The following ZMIZ1 variants were observed in gnomAD, a reference collection of about 807,000 sequenced individuals.
ZMIZ1 encodes zinc finger MIZ domain-containing protein 1.
Under a neutral mutation model 113.9 loss-of-function variants are expected in ZMIZ1, and 17 were observed. The observed-to-expected ratio is 0.15, with a 90% CI of 0.10 to 0.22. The LOEUF is 0.22. Ranked by LOEUF, ZMIZ1 falls within the 10% of genes least tolerant of loss-of-function variation. The pLI is 1.00. For synonymous variants in ZMIZ1, 607 were observed against 603.1 expected (o/e 1.01, Z -0.09); for missense variants, 1,059 against 1,477.8 (o/e 0.72, Z 4.65).
At chr10:79,293,338 T>C in intron 11 of ZMIZ1, 43 bp from the exon 12 acceptor site, 1 of 1,358,398 alleles carries the variant, frequency 7.4e-7, no homozygotes, top group Admixed American at 2.5e-5. Context: ...CATTTTATTC[T>C]TTTTTTTTTC....
In ZMIZ1 at chr10:79,293,597, G is replaced by C; in HGVS notation, c.1174G>C (p.Gly392Arg). 1 of 1,613,114 alleles carries C rather than the reference G, an allele frequency of 6.2e-7. No homozygotes were observed. The highest frequency in any genetic ancestry group is 8.5e-7 in the Non-Finnish European group (1 of 1,180,026). The change falls in exon 12 of 25, where the codon GGC (glycine) becomes CGC (arginine). Residue 392 changes from glycine (G) to arginine (R), a missense_variant. By Grantham distance (125) the Gly-to-Arg change is moderately radical (BLOSUM62 -2). Coordinates refer to ENST00000334512, the MANE Select transcript of ZMIZ1 (RefSeq NM_020338.4). ...GCGGATGCCCCAGCAGACCTACCCG[G>C]GCCCCCGGCCCCAGTCCCTTCCTAT... The part of the protein sequence containing the change: ...GQRMPQQTYP[G>R]PRPQSLPIQN...
At chr10:79,163,205 G>A (rs1001618722) in intron 4 of ZMIZ1, among the ~76,000 whole-genome samples, 2 of 152,228 alleles carry the variant, frequency 1.3e-5, no homozygotes, top group South Asian at 2.1e-4. Flanking sequence ...ATCCCCTGCT[G>A]CCCTCAGCGT....
chr10:79,175,216 C>T (rs1846776481), intron 4 of ZMIZ1, among the ~76,000 whole-genome samples: 1 of 152,224 alleles, frequency 6.6e-6, no homozygotes, highest in Non-Finnish European at 1.5e-5. Flanking sequence ...AAAAGAAACC[C>T]CGAGCAGTCT....
At chr10:79,239,026 G>A (rs1417446569) in intron 7 of ZMIZ1, among the ~76,000 whole-genome samples, 1 of 152,170 alleles carries the variant, frequency 6.6e-6, no homozygotes, top group East Asian at 1.9e-4. Flanking sequence ...GAGCTCAACC[G>A]CAACTGTCCC....
At chr10:79,213,109 C>A (rs1055616518) in intron 6 of ZMIZ1, among the ~76,000 whole-genome samples, 2 of 152,182 alleles carry the variant, frequency 1.3e-5, no homozygotes, top group Non-Finnish European at 2.9e-5. Context: ...AGGGTCACAG[C>A]GCCCCAGCCA....
Position 79,096,578 on chromosome 10 carries a change from G to A in ZMIZ1, c.-336-22337G>A, listed in dbSNP as rs1015177229. Among the ~76,000 whole-genome samples the A allele has an allele frequency of 9.9e-5, 15 of 151,638 alleles. 1 individual carries two copies. The highest frequency in any genetic ancestry group is 3.6e-4 in the African/African-American group (15 of 41,258). On this transcript the variant is annotated intron_variant, in intron 1 of 24. Coordinates refer to ENST00000334512, the MANE Select transcript of ZMIZ1 (RefSeq NM_020338.4). ...AAGAACCTCCAGCACGTGGAGGTGA[G>A]GGGTGGGAAGGGCTCTGAAACCATT...
At chr10:79,265,936 T>G (rs965673521) in intron 7 of ZMIZ1, among the ~76,000 whole-genome samples, 3 of 152,188 alleles carry the variant, frequency 2.0e-5, no homozygotes, top group Non-Finnish European at 4.4e-5. Context: ...TGGAGCCCCT[T>G]CCATCTGTAA....
At chr10:79,102,641 C>G (rs1413070426) in intron 1 of ZMIZ1, among the ~76,000 whole-genome samples, 1 of 152,220 alleles carries the variant, frequency 6.6e-6, no homozygotes. Context: ...CTTCCCTGGT[C>G]TGGCTGGAGG....
intron 7 of ZMIZ1, among the ~76,000 whole-genome samples, chr10:79,256,612 T>TCACAAGAAATGCC (rs1178525808): frequency 1.3e-5 from 2 of 152,232 alleles, no homozygotes; most frequent in African/African-American, 4.8e-5. Flanking sequence ...GCCTGTGGTT[T>TCACAAGAAATGCC]CACAAGAAAT....
At chr10:79,260,927 T>C (rs897492954) in intron 7 of ZMIZ1, among the ~76,000 whole-genome samples, 66 of 152,310 alleles carry the variant, frequency 4.3e-4, no homozygotes, top group Non-Finnish European at 2.9e-5. Context: ...CTCCACAGGA[T>C]TGTCAGGAAA....
intron 8 of ZMIZ1, among the ~76,000 whole-genome samples, chr10:79,281,864 A>G (rs545288895): frequency 6.6e-6 from 1 of 152,338 alleles, no homozygotes; most frequent in South Asian, 2.1e-4. Context: ...AAGATATTAA[A>G]CAGCGCACAG....
At chr10:79,305,953 G>T (rs1307568961) in intron 21 of ZMIZ1, 147 bp from the exon 22 acceptor site, 6 of 1,302,824 alleles carry the variant, frequency 4.6e-6, no homozygotes, top group Non-Finnish European at 6.2e-6. Context: ...AGAAATCCCT[G>T]CCAGGCTTCC....
chr10:79,081,479 CT>C (rs1456345087), intron 1 of ZMIZ1, among the ~76,000 whole-genome samples: 1 of 152,176 alleles, frequency 6.6e-6, no homozygotes, highest in Non-Finnish European at 1.5e-5. Flanking sequence ...GGTCTGGCTT[CT>C]GCTTTTCAAG....
chr10:79,152,116 C>G (rs187670052), intron 3 of ZMIZ1, among the ~76,000 whole-genome samples: 3 of 152,342 alleles, frequency 2.0e-5, no homozygotes, highest in East Asian at 1.9e-4. Flanking sequence ...CCTTCCTCTT[C>G]TCTGAGCCAA....
intron 22 of ZMIZ1, 24 bp downstream of exon 22, chr10:79,306,368 A>G: frequency 1.2e-6 from 2 of 1,602,448 alleles, no homozygotes; most frequent in Non-Finnish European, 1.7e-6. Flanking sequence ...GGCAGGGAGG[A>G]AGGGAGAAGG....
intron 7 of ZMIZ1, among the ~76,000 whole-genome samples, chr10:79,242,823 G>A (rs1487907736): frequency 6.6e-6 from 1 of 151,916 alleles, no homozygotes; most frequent in Non-Finnish European, 1.5e-5. Context: ...AGGCTGGAGT[G>A]CTGCTCGTCG....
intron 7 of ZMIZ1, among the ~76,000 whole-genome samples, chr10:79,258,482 A>T (rs1373315146): frequency 6.6e-6 from 1 of 152,264 alleles, no homozygotes; most frequent in African/African-American, 2.4e-5. Flanking sequence ...GCAGTAGCAC[A>T]TGTGGCCCCT....
intron 8 of ZMIZ1, among the ~76,000 whole-genome samples, chr10:79,277,616 G>A (rs1458318281): frequency 6.6e-6 from 1 of 152,152 alleles, no homozygotes; most frequent in East Asian, 1.9e-4. Context: ...TCTTGACCAG[G>A]GTATTGGGCA....
chr10:79,296,602 G>C lies in ZMIZ1; in HGVS notation c.1362G>C (p.Pro454=). The part of the protein sequence containing the change: ...NYPGQRMPSQ[P]SSGQYPPPTV... The stretch of plus-strand genomic sequence containing the variant: ...CAGGACAGAGGATGCCCAGCCAGCC[G>C]AGCTCCGGGCAGTACCCGCCCCCCA... Residue 454 remains proline, a synonymous_variant, in exon 13 of 25, where the codon CCG becomes CCC. Coordinates refer to ENST00000334512, the MANE Select transcript of ZMIZ1 (RefSeq NM_020338.4). The surrounding 1 kb of genome is among the most constrained non-coding windows in gnomAD (Gnocchi z 4.1). 1 of 1,604,968 alleles carries C rather than the reference G, an allele frequency of 6.2e-7. No individual in the cohort carries two copies. The highest frequency in any genetic ancestry group is 8.5e-7 in the Non-Finnish European group (1 of 1,175,804).
Sources: allele counts gnomAD v4.1 joint callset (sites outside exome capture counted in the v4.1 genomes callset), GRCh38; gene constraint gnomAD v4.1.1; non-coding constraint Gnocchi (gnomAD v3.1); transcripts MANE v1.5; gene names NCBI Gene and HGNC (gene_info 2026-07-23, HGNC 2026-07-21).